The following SOX5 variants were observed in gnomAD, a reference collection of about 807,000 sequenced individuals.
SOX5 encodes the protein transcription factor SOX-5.
In SOX5, 9 loss-of-function variants were observed where a neutral mutation model predicts 92.0. The observed-to-expected ratio is 0.10, with a 90% CI of 0.06 to 0.17. SOX5 has a LOEUF of 0.17. Ranked by LOEUF, SOX5 falls within the 10% of genes least tolerant of loss-of-function variation. The pLI, the probability that SOX5 is intolerant of heterozygous loss-of-function variation, is 1.00. For synonymous variants in SOX5, 344 were observed against 336.3 expected (o/e 1.02, Z -0.25); for missense variants, 642 against 944.5 (o/e 0.68, Z 4.20).
chr12:24,098,335 T>A (rs1945675975), intron 4 of SOX5, among the ~76,000 whole-genome samples: 1 of 152,168 alleles, frequency 6.6e-6, no homozygotes, highest in African/African-American at 2.4e-5. Flanking sequence ...AGTCCACTAT[T>A]TTTACTCTTA....
At chr12:24,539,928 T>C (rs1016092020) in intron 1 of SOX5, among the ~76,000 whole-genome samples, 1 of 152,114 alleles carries the variant, frequency 6.6e-6, no homozygotes. Flanking sequence ...CGTTCTTTAC[T>C]GATGGCTAAG....
chr12:23,764,950 GAACAAT>G (rs2094670578), intron 3 of SOX5, among the ~76,000 whole-genome samples: 1 of 151,956 alleles, frequency 6.6e-6, no homozygotes, highest in African/African-American at 2.4e-5. Context: ...GAAAAGATAT[GAACAAT>G]AAAAGCTGAC....
At chr12:24,538,203 C>A (rs1349488030) in intron 1 of SOX5, among the ~76,000 whole-genome samples, 1 of 152,136 alleles carries the variant, frequency 6.6e-6, no homozygotes, top group Non-Finnish European at 1.5e-5. Flanking sequence ...ATATTTTTAA[C>A]CCAGACGCTG....
At chr12:23,662,915 T>A (rs2083263662) in intron 7 of SOX5, among the ~76,000 whole-genome samples, 2 of 152,142 alleles carry the variant, frequency 1.3e-5, no homozygotes, top group African/African-American at 4.8e-5. Flanking sequence ...GGTTGGTCAG[T>A]CTCTTTTATT....
At chr12:23,815,825 C>A (rs997874397) in intron 3 of SOX5, among the ~76,000 whole-genome samples, 1 of 152,134 alleles carries the variant, frequency 6.6e-6, no homozygotes, top group Non-Finnish European at 1.5e-5. Context: ...ATGACTATGA[C>A]TTTATTGCTG....
chr12:23,949,405 G>T (rs768296059), intron 1 of SOX5, among the ~76,000 whole-genome samples, 159 bp downstream of exon 1: 2 of 152,056 alleles, frequency 1.3e-5, no homozygotes, highest in Non-Finnish European at 2.9e-5. Flanking sequence ...TTTGGTCCGG[G>T]CAATCACAAC....
intron 6 of SOX5, among the ~76,000 whole-genome samples, chr12:23,731,907 C>T (rs982138630): frequency 1.3e-5 from 2 of 152,014 alleles, no homozygotes; most frequent in African/African-American, 4.8e-5. Flanking sequence ...TAAGAAAGTA[C>T]AATCAGGATG....
At chr12:24,266,807 T>C (rs1240469521) in intron 3 of SOX5, among the ~76,000 whole-genome samples, 1 of 152,194 alleles carries the variant, frequency 6.6e-6, no homozygotes, top group Non-Finnish European at 1.5e-5. Flanking sequence ...TGTCTGCCAG[T>C]CTTATCATTT....
chr12:23,661,578 A>G, intron 7 of SOX5, among the ~76,000 whole-genome samples: 1 of 152,232 alleles, frequency 6.6e-6, no homozygotes, highest in East Asian at 1.9e-4. Flanking sequence ...TAGGATGAGC[A>G]AAAGCAGTAT....
At chr12:24,554,663 A>G (rs1953583703) in intron 1 of SOX5, among the ~76,000 whole-genome samples, 1 of 152,160 alleles carries the variant, frequency 6.6e-6, no homozygotes, top group South Asian at 2.1e-4. Flanking sequence ...CAGGAATCCT[A>G]CTGAAACTCA....
intron 1 of SOX5, among the ~76,000 whole-genome samples, chr12:24,507,014 T>C (rs969587406): frequency 6.6e-6 from 1 of 151,764 alleles, no homozygotes; most frequent in African/African-American, 2.4e-5. Flanking sequence ...ATGGTCTCGA[T>C]TTCCTGACCT....
intron 1 of SOX5, among the ~76,000 whole-genome samples, chr12:24,465,810 A>G (rs2137551451): frequency 6.6e-6 from 1 of 152,328 alleles, no homozygotes; most frequent in South Asian, 2.1e-4. Context: ...CAAATCATTC[A>G]TGGTCCACCA....
At chr12:23,787,849 C>G (rs370582094) in intron 3 of SOX5, among the ~76,000 whole-genome samples, 1 of 151,728 alleles carries the variant, frequency 6.6e-6, no homozygotes, top group Non-Finnish European at 1.5e-5. Context: ...GCTCAATGCT[C>G]ATAACCATTA....
intron 4 of SOX5, among the ~76,000 whole-genome samples, chr12:24,010,217 T>C (rs1952757915): frequency 6.6e-6 from 1 of 152,200 alleles, no homozygotes; most frequent in Non-Finnish European, 1.5e-5. Flanking sequence ...AGCTTATTAA[T>C]TTTTGACCTT....
intron 4 of SOX5, among the ~76,000 whole-genome samples, chr12:24,114,328 G>A (rs1207115231): frequency 6.6e-6 from 1 of 152,034 alleles, no homozygotes; most frequent in African/African-American, 2.4e-5. Flanking sequence ...TGAAATTGCA[G>A]CACTTCTGGA....
At chr12:23,571,498 T>C (rs906298650) in intron 10 of SOX5, among the ~76,000 whole-genome samples, 6 of 152,106 alleles carry the variant, frequency 3.9e-5, no homozygotes, top group African/African-American at 1.2e-4. Flanking sequence ...AAGCAAAACG[T>C]ATGGCAAAGG....
At chr12:24,542,652 G>A (rs1232971248) in intron 1 of SOX5, among the ~76,000 whole-genome samples, 1 of 152,046 alleles carries the variant, frequency 6.6e-6, no homozygotes, top group Non-Finnish European at 1.5e-5. Flanking sequence ...ATTTGTTATT[G>A]TAATCATGAA....
chr12:24,518,681 G>A lies in SOX5; in HGVS notation c.-251+43648C>T, dbSNP rs1355839567. 6.6e-5 allele frequency among the ~76,000 whole-genome samples: 10 copies of A among 152,080 alleles called. 1 individual carries two copies. The highest frequency in any genetic ancestry group is 1.9e-4 in the East Asian group (1 of 5,176). On this transcript the variant is annotated intron_variant, in intron 1 of 4. Coordinates refer to the SOX5 transcript ENST00000446891. ...CTCTGTAAAATAGGTAAGAGAATGC[G>A]CCAAGATATCACACATAGTCATTTA...
chr12:23,602,616 G>C (rs1003368732), intron 9 of SOX5, among the ~76,000 whole-genome samples: 1 of 152,032 alleles, frequency 6.6e-6, no homozygotes, highest in Non-Finnish European at 1.5e-5. Context: ...ATGTCCTGAC[G>C]TAAAGCCTCA....
Sources: gnomAD v4.1 joint callset for allele counts (sites outside exome capture counted in the v4.1 genomes callset) on GRCh38, gnomAD v4.1.1 for gene constraint, MANE v1.5 for transcripts, NCBI Gene and HGNC (gene_info 2026-07-23, HGNC 2026-07-21) for gene names.